The following B3GAT2 variants were observed in gnomAD, a reference collection of about 807,000 sequenced individuals.
The protein encoded by B3GAT2 is galactosylgalactosylxylosylprotein 3-beta-glucuronosyltransferase 2.
Under a neutral mutation model 27.8 loss-of-function variants are expected in B3GAT2, and 26 were observed. That is an observed-to-expected ratio of 0.93 (90% confidence interval 0.68 to 1.30). B3GAT2 has a LOEUF of 1.30. B3GAT2 is among the 50% of genes most tolerant of loss of function. The probability of loss-of-function intolerance (pLI) is 0.00; values close to 1 mark genes in which losing one functional copy is unlikely to be tolerated. For missense variants in B3GAT2, 458 were observed against 459.0 expected (o/e 1.00, Z 0.02); for synonymous variants, 218 against 195.1 (o/e 1.12, Z -0.98).
intron 1 of B3GAT2, among the ~76,000 whole-genome samples, chr6:70,905,467 T>C (rs577121630): frequency 1.2e-4 from 19 of 152,362 alleles, no homozygotes; most frequent in African/African-American, 3.6e-4. Flanking sequence ...CAAAATTAAA[T>C]TATACTTAGG....
intron 2 of B3GAT2, among the ~76,000 whole-genome samples, chr6:70,891,429 T>A (rs1268634552): frequency 6.6e-6 from 1 of 152,218 alleles, no homozygotes; most frequent in Non-Finnish European, 1.5e-5. Flanking sequence ...TCATGTCACC[T>A]GAGAGCAAAA....
rs150352661 is a variant in B3GAT2, at chr6:70,933,016, T to C, written c.591+22823A>G. On this transcript the variant is annotated intron_variant, in intron 1 of 3. Transcript: ENST00000230053. ...GGTCTCATGATGTTACCCAAGCTGGTCTCGAACTCCTGGGCTAAGCCATCC... is the reference window on the plus strand; with the variant it reads ...GGTCTCATGATGTTACCCAAGCTGGCCTCGAACTCCTGGGCTAAGCCATCC... Among the ~76,000 whole-genome samples, 491 of 152,260 alleles carry C rather than the reference T, an allele frequency of 3.2e-3. 1 individual carries two copies. The Middle Eastern group carries it at 0.048, about 15-fold the overall frequency.
At position 70,955,906 on chromosome 6, in the gene B3GAT2, CGCTGGT is replaced by C; in HGVS notation, c.518_523del (p.His173_Gln174del). The stretch of plus-strand genomic sequence containing the variant: ...GAAGAAGAGCACGCCGGGCTGCGCG[CGCTGGT>C]GCTGGTGCCTCTGGCGCAGCCAGGC... On this transcript the variant is annotated inframe_deletion, in exon 1 of 4. Coordinates refer to ENST00000230053, the MANE Select transcript of B3GAT2 (RefSeq NM_080742.3). 2.5e-6 allele frequency: 4 copies of C among 1,602,828 alleles called. No individual in the cohort carries two copies. In the Middle Eastern group the frequency reaches 5.0e-4, roughly 199 times the overall value.
intron 1 of B3GAT2, among the ~76,000 whole-genome samples, chr6:70,936,345 G>A (rs554651710): frequency 7.2e-5 from 11 of 151,902 alleles, no homozygotes; most frequent in African/African-American, 2.4e-4. Flanking sequence ...ACAGATCAAC[G>A]AGACAGAAAG....
chr6:70,945,099 T>C (rs1337491704), intron 1 of B3GAT2, among the ~76,000 whole-genome samples: 1 of 151,820 alleles, frequency 6.6e-6, no homozygotes, highest in Non-Finnish European at 1.5e-5. Flanking sequence ...AGACCAAAAG[T>C]AGATAAAACC....
intron 1 of B3GAT2, among the ~76,000 whole-genome samples, chr6:70,928,980 A>G (rs1227913735): frequency 1.3e-5 from 2 of 152,238 alleles, no homozygotes; most frequent in Non-Finnish European, 2.9e-5. Context: ...ACAATGATAG[A>G]CTGGATTAAG....
intron 1 of B3GAT2, among the ~76,000 whole-genome samples, chr6:70,943,552 A>C (rs2150050278): frequency 6.6e-6 from 1 of 152,336 alleles, no homozygotes; most frequent in Middle Eastern, 3.4e-3. Flanking sequence ...GACATGATAC[A>C]CGCCTAGGAG....
intron 1 of B3GAT2, among the ~76,000 whole-genome samples, chr6:70,944,232 T>C (rs985072993): frequency 6.6e-6 from 1 of 151,982 alleles, no homozygotes; most frequent in African/African-American, 2.4e-5. Flanking sequence ...CGCAGGACAG[T>C]GGGTGCAGCA....
intron 1 of B3GAT2, among the ~76,000 whole-genome samples, chr6:70,914,383 T>C (rs1029448180): frequency 7.2e-5 from 11 of 152,262 alleles, no homozygotes; most frequent in African/African-American, 2.6e-4. Flanking sequence ...ACATGCGGTG[T>C]TTGGTTTTCT....
chr6:70,876,557 G>A (rs940555763), intron 2 of B3GAT2, among the ~76,000 whole-genome samples: 1 of 152,078 alleles, frequency 6.6e-6, no homozygotes, highest in East Asian at 1.9e-4. Context: ...TACGGTTATT[G>A]TAAATCTTAA....
In B3GAT2 at chr6:70,857,799, G is replaced by A. The variant is rs1771495817; in HGVS notation, c.*3864C>T. The stretch of plus-strand genomic sequence containing the variant: ...TGGGTTGGTCTGAGTAGTAGGAGCA[G>A]CCAAACTGGAATTAAAATGTTTGCT... On this transcript the variant is annotated 3_prime_UTR_variant, in exon 4 of 4. Coordinates refer to ENST00000230053, the MANE Select transcript of B3GAT2 (RefSeq NM_080742.3). 4 of 1,111,238 alleles carry A rather than the reference G, an allele frequency of 3.6e-6. No homozygotes were observed. Among genetic ancestry groups the A allele is most frequent in the South Asian group, 1.6e-5 (1 of 63,912 alleles). The allele number at this position is 1,111,238 out of a possible 1,614,324, so 68.8% of individuals were successfully genotyped here.
In B3GAT2 at chr6:70,938,107, T is replaced by C. The variant is rs375943426; in HGVS notation, c.591+17732A>G. On this transcript the variant is annotated intron_variant, in intron 1 of 3. Transcript: ENST00000230053. Reference sequence around the variant, plus strand: ...AATCACAAGCATTCTTATACACCAATAACAGACAAACAGAGAGCCAAATCA... The same window carrying C: ...AATCACAAGCATTCTTATACACCAACAACAGACAAACAGAGAGCCAAATCA... Among the ~76,000 whole-genome samples the C allele has an allele frequency of 1.0e-4, 15 of 150,314 alleles. No homozygotes were observed. In the East Asian group the frequency reaches 1.2e-3, roughly 12 times the overall value.
intron 1 of B3GAT2, among the ~76,000 whole-genome samples, chr6:70,951,024 C>T (rs1334957311): frequency 6.6e-6 from 1 of 152,114 alleles, no homozygotes. Context: ...ACTGGTATAA[C>T]AATTTTATTT....
At chr6:70,929,039 G>A (rs971230238) in intron 1 of B3GAT2, among the ~76,000 whole-genome samples, 5 of 152,146 alleles carry the variant, frequency 3.3e-5, no homozygotes, top group African/African-American at 1.2e-4. Flanking sequence ...CATAAAAAAG[G>A]ATGAGTTCAT....
intron 2 of B3GAT2, among the ~76,000 whole-genome samples, chr6:70,877,431 T>C (rs1326503642): frequency 1.4e-4 from 22 of 152,216 alleles, no homozygotes; most frequent in Admixed American, 1.4e-3. Flanking sequence ...TGCAGAGCTA[T>C]GGGTTCTTCC....
intron 1 of B3GAT2, among the ~76,000 whole-genome samples, chr6:70,895,154 C>T (rs1361940926): frequency 6.6e-6 from 1 of 152,202 alleles, no homozygotes; most frequent in Middle Eastern, 3.2e-3. Context: ...TGGACTTAAG[C>T]TCCACGCACC....
intron 2 of B3GAT2, among the ~76,000 whole-genome samples, chr6:70,879,354 GA>G (rs1222858490): frequency 6.6e-6 from 1 of 152,098 alleles, no homozygotes; most frequent in Admixed American, 6.5e-5. Context: ...CAGTGTTACA[GA>G]AAAAAACCTG....
In B3GAT2 at chr6:70,859,263, C is replaced by CA; in HGVS notation, c.*2399dup. On this transcript the variant is annotated 3_prime_UTR_variant, in exon 4 of 4. Transcript: ENST00000230053. ...CAGTCACATGGTCAACATGCTGAAG[C>CA]ACACCCAGCTCAGGTTAAGGTGCTA... The CA allele has an allele frequency of 8.7e-7, 1 of 1,155,074 alleles. No individual in the cohort carries two copies. Among genetic ancestry groups the CA allele is most frequent in the Non-Finnish European group, 1.2e-6 (1 of 820,882 alleles). The allele number at this position is 1,155,074 out of a possible 1,614,324, so 71.6% of individuals were successfully genotyped here. A position where few individuals can be genotyped will look rare whatever the true frequency, so the allele number is the denominator to read the frequency against.
chr6:70,891,965 A>G (rs1321286245), intron 2 of B3GAT2, among the ~76,000 whole-genome samples: 2 of 147,018 alleles, frequency 1.4e-5, no homozygotes, highest in Admixed American at 6.8e-5. Context: ...CGACCAAATT[A>G]CTTACACTTA....
Sources: allele counts gnomAD v4.1 joint callset (sites outside exome capture counted in the v4.1 genomes callset), GRCh38; gene constraint gnomAD v4.1.1; transcripts MANE v1.5; gene names NCBI Gene and HGNC (gene_info 2026-07-23, HGNC 2026-07-21).